Variants in MYO1H observed in about 807,000 individuals in gnomAD.
The protein encoded by MYO1H is myosin IH.
Under a neutral mutation model 149.3 loss-of-function variants are expected in MYO1H, and 118 were observed. That is an observed-to-expected ratio of 0.79 (90% CI 0.68 to 0.92). The LOEUF (loss-of-function observed/expected upper bound fraction) is 0.92. MYO1H is among the 40% of genes least tolerant of loss of function. The probability of loss-of-function intolerance (pLI) is 0.00; values close to 1 mark genes in which losing one functional copy is unlikely to be tolerated. For missense variants in MYO1H, 1,212 were observed against 1,280.7 expected (o/e 0.95, Z 0.82); for synonymous variants, 447 against 465.2 (o/e 0.96, Z 0.50).
At chr12:109,442,621 A>G (rs1467370761) in intron 27 of MYO1H, among the ~76,000 whole-genome samples, 1 of 152,096 alleles carries the variant, frequency 6.6e-6, no homozygotes, top group Non-Finnish European at 1.5e-5. Context: ...TGAACGTAGC[A>G]GCCGTGAGAT....
intron 1 of MYO1H, among the ~76,000 whole-genome samples, chr12:109,369,308 A>G (rs1205682238): frequency 6.6e-6 from 1 of 152,090 alleles, no homozygotes; most frequent in Non-Finnish European, 1.5e-5. Flanking sequence ...AATTTTCTCT[A>G]TCCAAGAGAA....
the MYO1H span, among the ~76,000 whole-genome samples, chr12:109,341,529 CAG>C: frequency 1.3e-5 from 2 of 152,134 alleles, no homozygotes; most frequent in East Asian, 3.9e-4. Flanking sequence ...GCATTTGTGG[CAG>C]AGACTCAATG....
chr12:109,330,572 C>G, the MYO1H span, among the ~76,000 whole-genome samples: 1 of 152,052 alleles, frequency 6.6e-6, no homozygotes, highest in Admixed American at 6.6e-5. Context: ...TCCAGTGACC[C>G]CTACCAAGAC....
chr12:109,340,727 T>TA, the MYO1H span, among the ~76,000 whole-genome samples: 76,944 of 152,064 alleles, frequency 0.51, 20,257 homozygotes, highest in African/African-American at 0.63. Flanking sequence ...TAGAAGGTTA[T>TA]TCTACATATT....
intron 15 of MYO1H, among the ~76,000 whole-genome samples, chr12:109,419,313 C>T (rs1307352917): frequency 3.9e-5 from 6 of 151,936 alleles, no homozygotes; most frequent in South Asian, 4.2e-4. Flanking sequence ...TGTGGTGGGG[C>T]GGGGGCATCG....
At chr12:109,399,115 G>A (rs958548963) in intron 5 of MYO1H, among the ~76,000 whole-genome samples, 1 of 152,228 alleles carries the variant, frequency 6.6e-6, no homozygotes, top group Non-Finnish European at 1.5e-5. Flanking sequence ...ATTTCCCAGA[G>A]GCTGGGATGT....
intron 1 of MYO1H, among the ~76,000 whole-genome samples, chr12:109,368,511 C>T (rs993389262): frequency 3.3e-5 from 5 of 151,922 alleles, no homozygotes; most frequent in Admixed American, 3.3e-4. Context: ...TAAAAATTAG[C>T]CAGGTGCAGT....
exon 24 of MYO1H, chr12:109,439,651 G>A: frequency 6.2e-7 from 1 of 1,612,992 alleles, no homozygotes; most frequent in Non-Finnish European, 8.5e-7. Flanking sequence ...GGATTCATCA[G>A]TCGCAACAAA....
chr12:109,388,317 C>T (rs946530509), intron 1 of MYO1H, among the ~76,000 whole-genome samples: 14 of 152,152 alleles, frequency 9.2e-5, no homozygotes, highest in African/African-American at 3.1e-4. Flanking sequence ...TTTCTGGCTG[C>T]GTCTTTTGGC....
At chr12:109,317,226 T>TA in the MYO1H span, among the ~76,000 whole-genome samples, 1 of 152,214 alleles carries the variant, frequency 6.6e-6, no homozygotes, top group Non-Finnish European at 1.5e-5. Context: ...ATGGCACACT[T>TA]ATACGCACAA....
the MYO1H span, among the ~76,000 whole-genome samples, chr12:109,334,009 T>C: frequency 6.6e-6 from 1 of 151,272 alleles, no homozygotes; most frequent in African/African-American, 2.5e-5. Context: ...GTACTCATTA[T>C]TTACTTATTT....
chr12:109,324,355 A>G, the MYO1H span, among the ~76,000 whole-genome samples: 3 of 152,354 alleles, frequency 2.0e-5, no homozygotes, highest in East Asian at 5.8e-4. Context: ...GTAAGTCACA[A>G]GCCACCTAGA....
At chr12:109,343,152 G>A (rs548202691), upstream of MYO1H, among the ~76,000 whole-genome samples, 29 of 152,204 alleles carry the variant, frequency 1.9e-4, no homozygotes, top group Middle Eastern at 6.8e-3. Context: ...GTATAAAGTC[G>A]AAAATATGTA....
intron 1 of MYO1H, among the ~76,000 whole-genome samples, chr12:109,386,895 C>T (rs1284895815): frequency 2.6e-5 from 4 of 151,978 alleles, no homozygotes; most frequent in Admixed American, 6.6e-5. Flanking sequence ...TCTAAGAAAA[C>T]TTTGCCTTCC....
chr12:109,389,580 ACT>A (rs146603961), intron 2 of MYO1H, among the ~76,000 whole-genome samples: 6,069 of 152,070 alleles, frequency 0.04, 138 homozygotes, highest in Middle Eastern at 0.054. Context: ...CACTTACCAA[ACT>A]CTTCTCAGAT....
intron 31 of MYO1H, chr12:109,446,493 G>A (rs1592826598): frequency 2.0e-6 from 2 of 984,674 alleles, no homozygotes; most frequent in Non-Finnish European, 2.4e-6. Context: ...GCCCGGCGCG[G>A]TGGCTCACGC....
At chr12:109,426,529 AAATAAT>A (rs1309036258) in intron 18 of MYO1H, among the ~76,000 whole-genome samples, 3 of 152,022 alleles carry the variant, frequency 2.0e-5, no homozygotes, top group East Asian at 1.9e-4. Context: ...CTATCTCAAA[AAATAAT>A]AATAATAGAA....
chr12:109,417,826 T>TTTTG (rs145669792), intron 15 of MYO1H, among the ~76,000 whole-genome samples: 25,779 of 125,382 alleles, frequency 0.21, 2,526 homozygotes, highest in African/African-American at 0.39. Flanking sequence ...TTTTGTTTTG[T>TTTTG]TTTTTTTGAG....
intron 1 of MYO1H, among the ~76,000 whole-genome samples, chr12:109,386,818 G>A (rs912291070): frequency 5.9e-5 from 9 of 152,076 alleles, no homozygotes; most frequent in Non-Finnish European, 1.3e-4. Context: ...CTAATGAGAA[G>A]CTTTATATTT....
Sources: gnomAD v4.1 joint callset for allele counts (sites outside exome capture counted in the v4.1 genomes callset) on GRCh38, gnomAD v4.1.1 for gene constraint, MANE v1.5 for transcripts, NCBI Gene and HGNC (gene_info 2026-07-23, HGNC 2026-07-21) for gene names.